Variants in TMEM64 observed in about 807,000 individuals in gnomAD.
The protein encoded by TMEM64 is transmembrane protein 64.
TMEM64 carries 19 observed loss-of-function variants against 24.5 expected under a neutral mutation model. The ratio of observed to expected loss-of-function variants is 0.78; its 90% CI spans 0.54 to 1.14. TMEM64 has a LOEUF of 1.14. Among genes scored for constraint, TMEM64 ranks in the 50% most tolerant of loss-of-function variants. TMEM64 has a pLI of 0.00. For missense variants in TMEM64, 487 were observed against 493.0 expected (o/e 0.99, Z 0.12); for synonymous variants, 262 against 224.7 (o/e 1.17, Z -1.49).
intron 2 of TMEM64, among the ~76,000 whole-genome samples, chr8:90,630,019 A>G (rs543481088): frequency 3.4e-4 from 52 of 152,298 alleles, no homozygotes; most frequent in African/African-American, 1.1e-3. Context: ...CATATACTCA[A>G]TAACAGTTAA....
Position 90,645,162 on chromosome 8 carries a change from C to T in TMEM64, c.744G>A (p.Ala248=), listed in dbSNP as rs745348330. Residue 248 remains alanine (A), a synonymous_variant, in exon 1 of 3, where the codon GCG becomes GCA. Coordinates refer to ENST00000458549, the MANE Select transcript of TMEM64 (RefSeq NM_001008495.4). This position sits in a 1 kb window ranked among gnomAD's most constrained non-coding sequence, Gnocchi z 4.2. Reference sequence around the variant, plus strand: ...AAGGTATGGGTGTCAGTCTGGCCAGCGCCACCACTTTCAGGCCGCTTCCTC... The same window carrying T: ...AAGGTATGGGTGTCAGTCTGGCCAGTGCCACCACTTTCAGGCCGCTTCCTC... ...VEGGSGLKVV[A]LARLTPIPFG... 1 of 1,614,020 alleles carries T rather than the reference C, an allele frequency of 6.2e-7. No individual in the cohort carries two copies. Among genetic ancestry groups the T allele is most frequent in the South Asian group, 1.1e-5 (1 of 91,050 alleles).
chr8:90,638,925 TCACGGCTA>T (rs948034967), intron 1 of TMEM64, among the ~76,000 whole-genome samples: 46 of 152,268 alleles, frequency 3.0e-4, no homozygotes, highest in African/African-American at 1.0e-3. Context: ...TTTCTTTTAT[TCACGGCTA>T]CACCTCCAGC....
At position 90,645,738 on chromosome 8, in the gene TMEM64, C is replaced by A. The variant is rs1232397758; in HGVS notation, c.168G>T (p.Ala56=). 12 of 1,130,432 alleles carry A rather than the reference C, an allele frequency of 1.1e-5. No individual in the cohort carries two copies. The highest frequency in any genetic ancestry group is 1.3e-5 in the Non-Finnish European group (12 of 924,764). The allele number at this position is 1,130,432 out of a possible 1,614,324, so 70.0% of individuals were successfully genotyped here. ...LPRGGGASAA[A]AAAAASGALL... ...GGGCGCCCGAGGCCGCCGCTGCTGC[C>A]GCCGCCGCGCTCGCCCCGCCCCCGC... is the stretch of plus-strand genomic sequence containing the variant. The change falls in exon 1 of 3, where the codon GCG becomes GCT. Residue 56 remains alanine (A), a synonymous_variant. Coordinates refer to ENST00000458549, the MANE Select transcript of TMEM64 (RefSeq NM_001008495.4). The surrounding 1 kb of genome is among the most constrained non-coding windows in gnomAD (Gnocchi z 4.2).
chr8:90,644,302 A>C (rs1181449269), intron 1 of TMEM64, among the ~76,000 whole-genome samples: 1 of 152,206 alleles, frequency 6.6e-6, no homozygotes, highest in Non-Finnish European at 1.5e-5. Context: ...AAAGTTTGTA[A>C]AGACCAGATT....
intron 1 of TMEM64, among the ~76,000 whole-genome samples, chr8:90,636,243 T>C (rs1586129250): frequency 6.6e-6 from 1 of 152,190 alleles, no homozygotes; most frequent in East Asian, 1.9e-4. Context: ...TCCTCCAAAC[T>C]ATTTTATTTT....
intron 2 of TMEM64, among the ~76,000 whole-genome samples, chr8:90,628,259 A>G (rs1809389775): frequency 6.6e-6 from 1 of 152,246 alleles, no homozygotes; most frequent in Non-Finnish European, 1.5e-5. Context: ...CTAACTGGAA[A>G]GCAAGCTAAG....
chr8:90,628,310 C>T (rs1425266435), intron 2 of TMEM64, among the ~76,000 whole-genome samples: 1 of 152,118 alleles, frequency 6.6e-6, no homozygotes. Flanking sequence ...TTCTTATATG[C>T]AAATTCAGGG....
chr8:90,635,102 T>C (rs576390956), intron 1 of TMEM64, among the ~76,000 whole-genome samples: 3 of 152,292 alleles, frequency 2.0e-5, no homozygotes, highest in South Asian at 4.2e-4. Context: ...CTACCACTGA[T>C]GGATTTACAC....
At chr8:90,631,138 C>G (rs961512923) in intron 2 of TMEM64, among the ~76,000 whole-genome samples, 1 of 152,060 alleles carries the variant, frequency 6.6e-6, no homozygotes, top group Non-Finnish European at 1.5e-5. Context: ...CAACATAACA[C>G]TAAAAAATAC....
chr8:90,639,507 T>C lies in TMEM64; in HGVS notation c.795+5604A>G, dbSNP rs975419873. Among the ~76,000 whole-genome samples the C allele has an allele frequency of 2.0e-5, 3 of 152,324 alleles. No individual in the cohort carries two copies. The East Asian group carries it at 5.8e-4, about 29-fold the overall frequency. On this transcript the variant is annotated intron_variant, in intron 1 of 2. Coordinates refer to ENST00000458549, the MANE Select transcript of TMEM64 (RefSeq NM_001008495.4). ...TACAGTCTGACATACTATAGGTTTA[T>C]TATTTGTACTAAAACATGTATCATA...
intron 1 of TMEM64, among the ~76,000 whole-genome samples, chr8:90,637,239 G>C (rs1014468919): frequency 1.3e-5 from 2 of 152,194 alleles, no homozygotes; most frequent in African/African-American, 4.8e-5. Flanking sequence ...ACTGAAGCTG[G>C]GGTTGTGGTC....
intron 1 of TMEM64, among the ~76,000 whole-genome samples, chr8:90,632,766 T>C (rs1310102255): frequency 6.6e-6 from 1 of 152,204 alleles, no homozygotes; most frequent in African/African-American, 2.4e-5. Flanking sequence ...ATCACCAGCT[T>C]AGATGGCTGT....
At chr8:90,629,348 T>G (rs1349255049) in intron 2 of TMEM64, among the ~76,000 whole-genome samples, 1 of 152,178 alleles carries the variant, frequency 6.6e-6, no homozygotes, top group African/African-American at 2.4e-5. Flanking sequence ...ATCATGAACT[T>G]CATTGACTAT....
intron 1 of TMEM64, among the ~76,000 whole-genome samples, chr8:90,638,217 C>T (rs141420183): frequency 1.5e-3 from 232 of 152,280 alleles, no homozygotes; most frequent in African/African-American, 5.4e-3. Context: ...ATGATCTGGC[C>T]TCTGAGCATT....
In TMEM64 at chr8:90,631,650, T is replaced by C. The variant is rs761113195; in HGVS notation, c.853A>G (p.Thr285Ala). 1.2e-6 allele frequency: 2 copies of C among 1,613,798 alleles called. No individual in the cohort carries two copies. Among genetic ancestry groups the C allele is most frequent in the South Asian group, 2.2e-5 (2 of 91,066 alleles). The change falls in exon 2 of 3, where the codon ACC becomes GCC. Residue 285 changes from threonine (T) to alanine (A), a missense_variant. By Grantham distance (58) the Thr-to-Ala change is moderately conservative. Coordinates refer to ENST00000458549, the MANE Select transcript of TMEM64 (RefSeq NM_001008495.4). ...CCCAAGTAAGAATTCAGAAGCTGGGTAGGAAGCAGTCCAACCGAAGATGCC... is the reference window on the plus strand; with the variant it reads ...CCCAAGTAAGAATTCAGAAGCTGGGCAGGAAGCAGTCCAACCGAAGATGCC... ...LMASSVGLLP[T>A]QLLNSYLGTT... is the part of the protein sequence containing the mutation.
chr8:90,640,417 T>C lies in TMEM64; in HGVS notation c.795+4694A>G, dbSNP rs753490607. On this transcript the variant is annotated intron_variant, in intron 1 of 2. Transcript: ENST00000458549. ...ATAACACATACTATCACTAAACTGT[T>C]AAAAAATAAAAGGTAATGTTACACT... Among the ~76,000 whole-genome samples the C allele has an allele frequency of 3.9e-5, 6 of 152,168 alleles. No homozygotes were observed. The East Asian group carries it at 1.2e-3, about 29-fold the overall frequency.
At chr8:90,629,458 A>G (rs1809408049) in intron 2 of TMEM64, among the ~76,000 whole-genome samples, 1 of 152,170 alleles carries the variant, frequency 6.6e-6, no homozygotes, top group African/African-American at 2.4e-5. Context: ...ACTCAAATGT[A>G]AAGTCAAAGG....
At chr8:90,644,931 C>A (rs1563452856) in intron 1 of TMEM64, among the ~76,000 whole-genome samples, 180 bp downstream of exon 1, 1 of 152,156 alleles carries the variant, frequency 6.6e-6, no homozygotes, top group Non-Finnish European at 1.5e-5. Flanking sequence ...CGAGGCTCCG[C>A]GTTAGGTATG....
chr8:90,629,094 G>A lies in TMEM64; in HGVS notation c.951+2458C>T, dbSNP rs185938889. Among the ~76,000 whole-genome samples, 12 of 149,524 alleles carry A rather than the reference G, an allele frequency of 8.0e-5. No homozygotes were observed. The East Asian group carries it at 2.1e-3, about 26-fold the overall frequency. ...ACTTATTCTGCTAGCTTTAACCTAA[G>A]CTCTCTTTTTTTCCTTTTGTATATA... On this transcript the variant is annotated intron_variant, in intron 2 of 2. Coordinates refer to ENST00000458549, the MANE Select transcript of TMEM64 (RefSeq NM_001008495.4).
Sources: gnomAD v4.1 joint callset for allele counts (sites outside exome capture counted in the v4.1 genomes callset) on GRCh38, gnomAD v4.1.1 for gene constraint, Gnocchi (gnomAD v3.1) non-coding constraint, MANE v1.5 for transcripts, NCBI Gene and HGNC (gene_info 2026-07-23, HGNC 2026-07-21) for gene names.